Variants in MRPS6 observed in about 807,000 individuals in gnomAD.
The protein encoded by MRPS6 is small ribosomal subunit protein bS6m.
Under a neutral mutation model 13.1 loss-of-function variants are expected in MRPS6, and 6 were observed. That is an observed-to-expected ratio of 0.46 (90% CI 0.25 to 0.91). MRPS6 has a LOEUF of 0.91. MRPS6 is among the 40% of genes least tolerant of loss of function. The pLI is 0.18. For synonymous variants in MRPS6, 61 were observed against 56.5 expected (o/e 1.08, Z -0.36); for missense variants, 164 against 155.6 (o/e 1.05, Z -0.29).
chr21:34,102,207 T>G (rs1389212854), intron 1 of MRPS6: 1 of 999,892 alleles, frequency 1.0e-6, no homozygotes, highest in Admixed American at 6.2e-5. Flanking sequence ...AGAATTTAGT[T>G]AAGGTTCAAA....
chr21:34,105,139 T>G (rs1979418923), intron 1 of MRPS6: 2 of 1,000,138 alleles, frequency 2.0e-6, no homozygotes, highest in Admixed American at 1.2e-4. Context: ...TGGTATGGAA[T>G]TTGTTCCCTT....
At position 34,142,580 on chromosome 21, in the gene MRPS6, A is replaced by G; in HGVS notation, c.358A>G (p.Thr120Ala). The change falls in exon 3 of 3, where the codon ACA becomes GCA. Residue 120 changes from threonine (T) to alanine (A), a missense_variant. Transcript: ENST00000399312. ...CCCACTCGCAGAAAAATTATATTCCACAAAGAAGAGGAAGAAGTGAGAAGA... is the reference window on the plus strand; with the variant it reads ...CCCACTCGCAGAAAAATTATATTCCGCAAAGAAGAGGAAGAAGTGAGAAGA... ...PVPLAEKLYSTKKRKK is the reference protein window; with the variant it reads ...PVPLAEKLYSAKKRKK 1 of 1,605,026 alleles carries G rather than the reference A, an allele frequency of 6.2e-7. No homozygotes were observed. The highest frequency in any genetic ancestry group is 8.5e-7 in the Non-Finnish European group (1 of 1,177,366).
intron 2 of MRPS6, among the ~76,000 whole-genome samples, chr21:34,132,550 CCAGTGT>C (rs1980542157): frequency 1.3e-5 from 2 of 152,126 alleles, no homozygotes; most frequent in Non-Finnish European, 2.9e-5. Flanking sequence ...CTAGGAAAGC[CCAGTGT>C]TAGGATTTCC....
At chr21:34,140,054 A>G (rs1410609751) in intron 2 of MRPS6, among the ~76,000 whole-genome samples, 5 of 152,012 alleles carry the variant, frequency 3.3e-5, no homozygotes, top group East Asian at 3.9e-4. Flanking sequence ...AGGCATATCA[A>G]TTTTACGAAT....
rs540372959 is a variant in MRPS6 at position 34,110,332 on chromosome 21, T to G, written c.46-15009T>G. Among the ~76,000 whole-genome samples the G allele has an allele frequency of 2.0e-5, 3 of 152,154 alleles. No homozygotes were observed. In the South Asian group the frequency reaches 6.2e-4, roughly 32 times the overall value. On this transcript the variant is annotated intron_variant, in intron 1 of 2. Transcript: ENST00000399312. ...CACAAAAGTTAGCCACATGTGCAGATGCACACCTGTAGTCCCAGCTACTCA... is the reference window on the plus strand; with the variant it reads ...CACAAAAGTTAGCCACATGTGCAGAGGCACACCTGTAGTCCCAGCTACTCA...
intron 1 of MRPS6, among the ~76,000 whole-genome samples, chr21:34,091,538 T>G (rs1171782803): frequency 6.6e-6 from 1 of 152,222 alleles, no homozygotes; most frequent in Non-Finnish European, 1.5e-5. Context: ...AGTGCTTATT[T>G]AAATTTGGTC....
At chr21:34,134,476 T>C (rs1467622590) in intron 2 of MRPS6, among the ~76,000 whole-genome samples, 7 of 152,240 alleles carry the variant, frequency 4.6e-5, no homozygotes, top group Admixed American at 2.6e-4. Flanking sequence ...GCTTCTAAAC[T>C]GCCATTTTAA....
chr21:34,097,921 A>C (rs1040072629), intron 1 of MRPS6: 2 of 997,150 alleles, frequency 2.0e-6, no homozygotes, highest in African/African-American at 3.5e-5. Flanking sequence ...TCCCAAAGAA[A>C]GAATGTTTTC....
At chr21:34,098,288 TG>T in intron 1 of MRPS6, 1 of 1,000,112 alleles carries the variant, frequency 1.0e-6, no homozygotes. Flanking sequence ...ATTAGCCAAA[TG>T]CCTTCCTAGG....
chr21:34,138,535 C>T (rs1377647340), intron 2 of MRPS6, among the ~76,000 whole-genome samples: 2 of 151,952 alleles, frequency 1.3e-5, no homozygotes, highest in Non-Finnish European at 2.9e-5. Context: ...AGGACATGAA[C>T]AGACACTTCT....
At chr21:34,086,588 C>G (rs1044323686) in intron 1 of MRPS6, among the ~76,000 whole-genome samples, 2 of 151,578 alleles carry the variant, frequency 1.3e-5, no homozygotes, top group Non-Finnish European at 2.9e-5. Context: ...CGTTCTTCAT[C>G]TTTATTTCAG....
rs193259505 is a variant in MRPS6 at position 34,125,135 on chromosome 21, C to T, written c.46-206C>T. 302 of 756,900 alleles carry T rather than the reference C, an allele frequency of 4.0e-4. 2 individuals are homozygous for T. Among genetic ancestry groups the T allele is most frequent in the Middle Eastern group, 3.3e-3 (8 of 2,436 alleles). The allele number at this position is 756,900 out of a possible 1,614,324, so 46.9% of individuals were successfully genotyped here. On this transcript the variant is annotated intron_variant, in intron 1 of 2. Transcript: ENST00000399312. ...GAAGCCTGGTTCTTCAGATATTCCT[C>T]GTATCTGTGAGCTATCTCATATCCT... is the stretch of plus-strand genomic sequence containing the variant.
chr21:34,125,900 A>G (rs898178858), intron 2 of MRPS6, among the ~76,000 whole-genome samples: 1 of 152,228 alleles, frequency 6.6e-6, no homozygotes, highest in Non-Finnish European at 1.5e-5. Flanking sequence ...CCTAAGCCTA[A>G]TCAACAAAAG....
chr21:34,074,714 G>T (rs1052199273), intron 1 of MRPS6, among the ~76,000 whole-genome samples: 1 of 152,138 alleles, frequency 6.6e-6, no homozygotes, highest in African/African-American at 2.4e-5. Context: ...AAAAATCATT[G>T]TACCACGTCC....
At chr21:34,140,631 A>G (rs1980876607) in intron 2 of MRPS6, among the ~76,000 whole-genome samples, 1 of 152,222 alleles carries the variant, frequency 6.6e-6, no homozygotes, top group African/African-American at 2.4e-5. Flanking sequence ...CTGTATAAGT[A>G]GTTCTATCGA....
intron 1 of MRPS6, among the ~76,000 whole-genome samples, chr21:34,074,528 A>G (rs1290348168): frequency 3.3e-5 from 5 of 152,112 alleles, no homozygotes; most frequent in African/African-American, 1.2e-4. Context: ...GGCCCCTTTC[A>G]GGTGACGGCG....
At chr21:34,129,104 G>A (rs73899995) in intron 2 of MRPS6, among the ~76,000 whole-genome samples, 2,553 of 152,258 alleles carry the variant, frequency 0.017, 81 homozygotes, top group African/African-American at 0.057. Context: ...ATTCCTGGGC[G>A]TTTGGAAGGG....
At chr21:34,140,640 G>A (rs183100388) in intron 2 of MRPS6, among the ~76,000 whole-genome samples, 10 of 152,262 alleles carry the variant, frequency 6.6e-5, no homozygotes, top group African/African-American at 1.7e-4. Flanking sequence ...TAGTTCTATC[G>A]ATTACTGAAA....
intron 2 of MRPS6, among the ~76,000 whole-genome samples, chr21:34,126,391 C>A (rs757078007): frequency 6.6e-6 from 1 of 152,192 alleles, no homozygotes; most frequent in Non-Finnish European, 1.5e-5. Flanking sequence ...CGTCTCACAT[C>A]GAGGCTTTCT....
Sources: gnomAD v4.1 joint callset for allele counts (sites outside exome capture counted in the v4.1 genomes callset) on GRCh38, gnomAD v4.1.1 for gene constraint, MANE v1.5 for transcripts, NCBI Gene and HGNC (gene_info 2026-07-23, HGNC 2026-07-21) for gene names.